CNGB1: variants seen among roughly 807,000 people sequenced by gnomAD.
CNGB1 encodes the protein cyclic nucleotide gated channel subunit beta 1, also known as cyclic nucleotide-gated channel beta-1.
CNGB1 carries 126 observed loss-of-function variants against 151.7 expected under a neutral mutation model. The ratio of observed to expected loss-of-function variants is 0.83; its 90% CI spans 0.72 to 0.96. The LOEUF is 0.96. CNGB1 is among the 40% of genes least tolerant of loss of function. The pLI is 0.00. For synonymous variants in CNGB1, 623 were observed against 635.1 expected (o/e 0.98, Z 0.29); for missense variants, 1,698 against 1,627.0 (o/e 1.04, Z -0.75).
rs1960771262 is a variant in CNGB1 at position 57,912,950 on chromosome 16, G to A, written c.2349C>T (p.Leu783=). ...FEFNSRLESI[L]SKAYVYRVIR... ...CTCACCTGTACACGTAGGCTTTGCTGAGGATGGATTCCAGGCGGCTGTTAA... is the reference window on the plus strand; with the variant it reads ...CTCACCTGTACACGTAGGCTTTGCTAAGGATGGATTCCAGGCGGCTGTTAA... Residue 783 remains leucine, a synonymous_variant, in exon 24 of 33, where the codon CTC becomes CTT. Transcript: ENST00000251102. 6.2e-7 allele frequency: 1 copy of A among 1,613,902 alleles called. No homozygotes were observed. Among genetic ancestry groups the A allele is most frequent in the African/African-American group, 1.3e-5 (1 of 74,916 alleles).
chr16:57,964,297 C>T (rs1597016268), intron 3 of CNGB1, 95 bp from the exon 4 acceptor site: 12 of 1,442,736 alleles, frequency 8.3e-6, no homozygotes, highest in African/African-American at 1.4e-5. Context: ...AGGAGAGAGA[C>T]CCCCAGGGGT....
At chr16:57,950,640 G>A in intron 12 of CNGB1, 100 bp from the exon 13 acceptor site, 1 of 1,298,972 alleles carries the variant, frequency 7.7e-7, no homozygotes, top group South Asian at 1.2e-5. Context: ...GCTGTCGCCA[G>A]CAGTGCCTCA....
rs117921412 is a variant in CNGB1, at chr16:57,934,386, A to G, written c.1373-2508T>C. 2.2e-4 allele frequency among the ~76,000 whole-genome samples: 33 copies of G among 152,194 alleles called. No individual in the cohort carries two copies. The East Asian group carries it at 6.0e-3, about 28-fold the overall frequency. On this transcript the variant is annotated intron_variant, in intron 16 of 32. Transcript: ENST00000251102. ...GAGGTAGAACCTGCAATGAGTCAAGATCGCGCCTACTACACTCCAGCCTTA... is the reference window on the plus strand; with the variant it reads ...GAGGTAGAACCTGCAATGAGTCAAGGTCGCGCCTACTACACTCCAGCCTTA...
chr16:57,943,410 A>G (rs1422265114), intron 14 of CNGB1, among the ~76,000 whole-genome samples: 1 of 152,150 alleles, frequency 6.6e-6, no homozygotes, highest in East Asian at 1.9e-4. Flanking sequence ...AGTGGCTCAC[A>G]CCTGTAATCC....
At chr16:57,959,020 C>T (rs905004779) in intron 10 of CNGB1, among the ~76,000 whole-genome samples, 5 of 151,162 alleles carry the variant, frequency 3.3e-5, no homozygotes, top group East Asian at 3.9e-4. Flanking sequence ...CCCAAAGTAC[C>T]GGGATTACAA....
At chr16:57,942,080 C>G (rs1446779697) in intron 14 of CNGB1, among the ~76,000 whole-genome samples, 1 of 152,084 alleles carries the variant, frequency 6.6e-6, no homozygotes, top group Non-Finnish European at 1.5e-5. Context: ...TAGGGTCTTG[C>G]TACATTGCCC....
At chr16:57,941,002 C>A (rs998271120) in intron 14 of CNGB1, among the ~76,000 whole-genome samples, 1 of 152,092 alleles carries the variant, frequency 6.6e-6, no homozygotes, top group Non-Finnish European at 1.5e-5. Flanking sequence ...GGCAGCAACC[C>A]CACTCCGCTG....
At chr16:57,885,302 C>T (rs960478160) in intron 32 of CNGB1, among the ~76,000 whole-genome samples, 1 of 152,102 alleles carries the variant, frequency 6.6e-6, no homozygotes, top group Admixed American at 6.5e-5. Flanking sequence ...GCAGAGAGAC[C>T]TGCGCCATTT....
intron 9 of CNGB1, 88 bp from the exon 10 acceptor site, chr16:57,960,153 G>T (rs1245984057): frequency 3.9e-6 from 6 of 1,521,282 alleles, no homozygotes; most frequent in African/African-American, 2.8e-5. Flanking sequence ...GATTCGAGTC[G>T]CTAACAGGAC....
intron 25 of CNGB1, among the ~76,000 whole-genome samples, chr16:57,906,186 A>G (rs1395543548): frequency 6.6e-6 from 1 of 152,220 alleles, no homozygotes; most frequent in Non-Finnish European, 1.5e-5. Flanking sequence ...TTCTGGCTGC[A>G]TAACTTGGAC....
chr16:57,922,871 T>TA (rs1451429999), intron 18 of CNGB1, among the ~76,000 whole-genome samples: 1 of 151,748 alleles, frequency 6.6e-6, no homozygotes, highest in African/African-American at 2.4e-5. Flanking sequence ...ATCTTTTTTT[T>TA]TTTTCTTTTT....
At chr16:57,924,633 A>G (rs1315530011) in intron 17 of CNGB1, among the ~76,000 whole-genome samples, 1 of 152,200 alleles carries the variant, frequency 6.6e-6, no homozygotes, top group African/African-American at 2.4e-5. Context: ...ATGAGAGTTT[A>G]GGACTTGACG....
intron 12 of CNGB1, among the ~76,000 whole-genome samples, chr16:57,952,635 G>A (rs1961981946): frequency 6.6e-6 from 1 of 151,026 alleles, no homozygotes; most frequent in Admixed American, 6.6e-5. Context: ...CGAGTAGCTG[G>A]GATTACAGGC....
chr16:57,918,331 T>C (rs1477402766), intron 20 of CNGB1, among the ~76,000 whole-genome samples: 1 of 151,990 alleles, frequency 6.6e-6, no homozygotes, highest in Non-Finnish European at 1.5e-5. Context: ...GCCCCCCAAA[T>C]GTGTGACCTT....
chr16:57,889,069 T>C (rs1960015775), intron 31 of CNGB1, among the ~76,000 whole-genome samples: 1 of 152,210 alleles, frequency 6.6e-6, no homozygotes, highest in Non-Finnish European at 1.5e-5. Flanking sequence ...AACAATCGAA[T>C]ACAACAAGGG....
intron 31 of CNGB1, among the ~76,000 whole-genome samples, chr16:57,894,398 C>T (rs1205765340): frequency 6.6e-6 from 1 of 152,126 alleles, no homozygotes; most frequent in Admixed American, 6.5e-5. Context: ...GTGAGAAGTT[C>T]GAGACAAGCC....
rs147604102 is a variant in CNGB1 at position 57,885,031 on chromosome 16, C to T, written c.3463-574G>A. Among the ~76,000 whole-genome samples the T allele has an allele frequency of 2.9e-3, 438 of 152,294 alleles. 3 individuals are homozygous for T. The highest frequency in any genetic ancestry group is 9.6e-3 in the African/African-American group (399 of 41,558). On this transcript the variant is annotated intron_variant, in intron 32 of 32. Transcript: ENST00000251102. ...CTGCGCTGACCCCATGTGTGGGGAC[C>T]TGATGGATACCTCCAGCCTCCAGCC... is the stretch of plus-strand genomic sequence containing the variant.
intron 20 of CNGB1, 73 bp downstream of exon 20, chr16:57,919,026 C>G: frequency 6.2e-7 from 1 of 1,608,300 alleles, no homozygotes; most frequent in Non-Finnish European, 8.5e-7. Flanking sequence ...TCCCCTGACC[C>G]TCTCCCCATC....
intron 14 of CNGB1, among the ~76,000 whole-genome samples, chr16:57,943,334 C>T (rs2149378185): frequency 6.6e-6 from 1 of 152,060 alleles, no homozygotes; most frequent in East Asian, 1.9e-4. Context: ...ATCAAAACCG[C>T]AATGAAATAT....
Sources: gnomAD v4.1 joint callset for allele counts (sites outside exome capture counted in the v4.1 genomes callset) on GRCh38, gnomAD v4.1.1 for gene constraint, MANE v1.5 for transcripts, NCBI Gene and HGNC (gene_info 2026-07-23, HGNC 2026-07-21) for gene names.